Variants in SLC5A3 observed in about 807,000 individuals in gnomAD.
The protein encoded by SLC5A3 is sodium/myo-inositol cotransporter.
SLC5A3 carries 10 observed loss-of-function variants against 43.2 expected under a neutral mutation model. The observed-to-expected ratio is 0.23, with a 90% CI of 0.14 to 0.39. The LOEUF is 0.39. SLC5A3 is among the 10% of genes least tolerant of loss of function. The pLI is 1.00. For synonymous variants in SLC5A3, 349 were observed against 322.0 expected (o/e 1.08, Z -0.90); for missense variants, 608 against 893.4 (o/e 0.68, Z 4.07).
At position 34,095,735 on chromosome 21, in the gene SLC5A3, T is replaced by G; in HGVS notation, c.537T>G (p.Val179=). The part of the protein sequence containing the change: ...TALLTVTGGL[V]AVIYTDTLQA... ...TGCTGACTGTCACCGGAGGCCTTGT[T>G]GCAGTGATCTACACAGACACTCTGC... The change falls in exon 2 of 2, where the codon GTT becomes GTG. Residue 179 remains valine (V), a synonymous_variant. Coordinates refer to ENST00000381151, the MANE Select transcript of SLC5A3 (RefSeq NM_006933.7). The G allele has an allele frequency of 6.4e-7, 1 of 1,565,114 alleles. No homozygotes were observed. Among genetic ancestry groups the G allele is most frequent in the Non-Finnish European group, 8.7e-7 (1 of 1,154,620 alleles).
chr21:34,094,204 T>G (rs1471019073), intron 1 of SLC5A3, among the ~76,000 whole-genome samples: 1 of 152,182 alleles, frequency 6.6e-6, no homozygotes, highest in Non-Finnish European at 1.5e-5. Context: ...TTTAGTTTTG[T>G]GTGGAATGTC....
intron 1 of SLC5A3, among the ~76,000 whole-genome samples, chr21:34,084,100 G>A (rs1282141931): frequency 1.3e-5 from 2 of 151,394 alleles, no homozygotes; most frequent in African/African-American, 4.8e-5. Flanking sequence ...TACTGTTAAA[G>A]TTACTCTTTT....
chr21:34,101,836 A>T lies in SLC5A3; in HGVS notation c.*4481A>T. 1 of 999,724 alleles carries T rather than the reference A, an allele frequency of 1.0e-6. No individual in the cohort carries two copies. Among genetic ancestry groups the T allele is most frequent in the Non-Finnish European group, 1.2e-6 (1 of 829,528 alleles). 61.9% of individuals were successfully genotyped at this position (999,724 alleles called of 1,614,324 possible). The stretch of plus-strand genomic sequence containing the variant: ...ACACTTTGTGTTGGCTAATAATAAA[A>T]GCACTGTTTTATTCTCAAAACTCCT... On this transcript the variant is annotated 3_prime_UTR_variant, in exon 2 of 2. Coordinates refer to ENST00000381151, the MANE Select transcript of SLC5A3 (RefSeq NM_006933.7).
intron 1 of SLC5A3, among the ~76,000 whole-genome samples, chr21:34,076,432 A>G (rs1989332703): frequency 6.6e-6 from 1 of 152,228 alleles, no homozygotes; most frequent in South Asian, 2.1e-4. Context: ...TGTATTATGT[A>G]GAGTCAGTCA....
At chr21:34,090,506 A>C (rs1307138406) in intron 1 of SLC5A3, among the ~76,000 whole-genome samples, 1 of 152,210 alleles carries the variant, frequency 6.6e-6, no homozygotes, top group East Asian at 1.9e-4. Context: ...AAAATGTTTG[A>C]GAGAGCTGCA....
In SLC5A3 at chr21:34,100,780, A is replaced by G; in HGVS notation, c.*3425A>G. 1 of 1,000,188 alleles carries G rather than the reference A, an allele frequency of 1.0e-6. No individual in the cohort carries two copies. The highest frequency in any genetic ancestry group is 1.2e-6 in the Non-Finnish European group (1 of 829,938). The allele number at this position is 1,000,188 out of a possible 1,614,324, so 62.0% of individuals were successfully genotyped here. A position where few individuals can be genotyped will look rare whatever the true frequency, so the allele number is the denominator to read the frequency against. On this transcript the variant is annotated 3_prime_UTR_variant, in exon 2 of 2. Coordinates refer to ENST00000381151, the MANE Select transcript of SLC5A3 (RefSeq NM_006933.7). The stretch of plus-strand genomic sequence containing the variant: ...GTCCATGGCTCATTTTCTTTATAGT[A>G]GGCATATGGATCTTCCCCTCTGACT...
chr21:34,101,883 G>A lies in SLC5A3; in HGVS notation c.*4528G>A. On this transcript the variant is annotated 3_prime_UTR_variant, in exon 2 of 2. Transcript: ENST00000381151. ...TCCTTTTTCAAAAATTAGGGAGAGA[G>A]CAGTAGTGATCATTTATGTGAGCCC... 1.0e-6 allele frequency: 1 copy of A among 1,000,136 alleles called. No individual in the cohort carries two copies. The highest frequency in any genetic ancestry group is 1.2e-6 in the Non-Finnish European group (1 of 829,936). The allele number at this position is 1,000,136 out of a possible 1,614,324, so 62.0% of individuals were successfully genotyped here.
Position 34,103,037 on chromosome 21 carries a change from A to T in SLC5A3, c.*5682A>T. 6 of 999,780 alleles carry T rather than the reference A, an allele frequency of 6.0e-6. No individual in the cohort carries two copies. The highest frequency in any genetic ancestry group is 7.2e-6 in the Non-Finnish European group (6 of 829,634). The allele number at this position is 999,780 out of a possible 1,614,324, so 61.9% of individuals were successfully genotyped here. On this transcript the variant is annotated 3_prime_UTR_variant, in exon 2 of 2. Coordinates refer to ENST00000381151, the MANE Select transcript of SLC5A3 (RefSeq NM_006933.7). ...AGATAAGTTTTCAATTTATCAACAT[A>T]GCCTAGACTTCTGTAAGTGGAATGT... is the stretch of plus-strand genomic sequence containing the variant.
intron 1 of SLC5A3, among the ~76,000 whole-genome samples, chr21:34,077,266 G>A (rs1989354840): frequency 6.6e-6 from 1 of 152,164 alleles, no homozygotes; most frequent in Admixed American, 6.5e-5. Context: ...GAGGAGCTTA[G>A]GAAAAAAATG....
At chr21:34,082,318 A>G (rs1034466968) in intron 1 of SLC5A3, among the ~76,000 whole-genome samples, 1 of 152,152 alleles carries the variant, frequency 6.6e-6, no homozygotes, top group Non-Finnish European at 1.5e-5. Flanking sequence ...GTTGGGTTGT[A>G]TATGTGCATT....
chr21:34,105,556 T>C lies in SLC5A3; in HGVS notation c.*8201T>C. 1.0e-6 allele frequency: 1 copy of C among 999,982 alleles called. No individual in the cohort carries two copies. The highest frequency in any genetic ancestry group is 1.2e-6 in the Non-Finnish European group (1 of 829,720). The allele number at this position is 999,982 out of a possible 1,614,324, so 61.9% of individuals were successfully genotyped here. On this transcript the variant is annotated 3_prime_UTR_variant, in exon 2 of 2. Coordinates refer to ENST00000381151, the MANE Select transcript of SLC5A3 (RefSeq NM_006933.7). ...GTTCTTCCCAGTGTCCTGCTTATGATGCTTTGTTCAGATTTTTTGTAAGAG... is the reference window on the plus strand; with the variant it reads ...GTTCTTCCCAGTGTCCTGCTTATGACGCTTTGTTCAGATTTTTTGTAAGAG...
chr21:34,098,264 T>A lies in SLC5A3; in HGVS notation c.*909T>A. ...GCTAATTTTCTAGCTTTATTCTTGT[T>A]ATTTGGAAAAATTATTAGCCAAATG... On this transcript the variant is annotated 3_prime_UTR_variant, in exon 2 of 2. Transcript: ENST00000381151. 1 of 1,000,012 alleles carries A rather than the reference T, an allele frequency of 1.0e-6. No homozygotes were observed. Among genetic ancestry groups the A allele is most frequent in the Non-Finnish European group, 1.2e-6 (1 of 829,868 alleles). The allele number at this position is 1,000,012 out of a possible 1,614,324, so 61.9% of individuals were successfully genotyped here. A position where few individuals can be genotyped will look rare whatever the true frequency, so the allele number is the denominator to read the frequency against.
rs780017963 is a variant in SLC5A3 at position 34,096,480 on chromosome 21, A to G, written c.1282A>G (p.Ile428Val). The change falls in exon 2 of 2, where the codon ATC becomes GTC. Residue 428 changes from isoleucine to valine, a missense_variant. Coordinates refer to ENST00000381151, the MANE Select transcript of SLC5A3 (RefSeq NM_006933.7). This position sits in a 1 kb window ranked among gnomAD's most constrained non-coding sequence, Gnocchi z 5.9. Reference sequence around the variant, plus strand: ...GGTGATCAGCATAGCATGGGTGCCAATCATCGTGGAGATGCAAGGAGGCCA... The same window carrying G: ...GGTGATCAGCATAGCATGGGTGCCAGTCATCGTGGAGATGCAAGGAGGCCA... ...MVVISIAWVP[I>V]IVEMQGGQMY... 5.3e-5 allele frequency: 86 copies of G among 1,614,064 alleles called. No individual in the cohort carries two copies. The highest frequency in any genetic ancestry group is 6.5e-5 in the Non-Finnish European group (77 of 1,180,030).
rs1327717847 is a variant in SLC5A3 at position 34,104,007 on chromosome 21, T to C, written c.*6652T>C. On this transcript the variant is annotated 3_prime_UTR_variant, in exon 2 of 2. Coordinates refer to ENST00000381151, the MANE Select transcript of SLC5A3 (RefSeq NM_006933.7). ...AAAAAATCTTAAATCTTTTAGGAAA[T>C]ATTACCTCTTAACAGTGCCCCCCCA... 2 of 1,000,012 alleles carry C rather than the reference T, an allele frequency of 2.0e-6. No homozygotes were observed. The highest frequency in any genetic ancestry group is 1.7e-5 in the African/African-American group (1 of 57,212). The allele number at this position is 1,000,012 out of a possible 1,614,324, so 61.9% of individuals were successfully genotyped here.
chr21:34,079,604 T>TTTC (rs1989414635), intron 1 of SLC5A3, among the ~76,000 whole-genome samples: 1 of 5,816 alleles, frequency 1.7e-4, no homozygotes, highest in African/African-American at 2.5e-4. Context: ...CCCAGCTAAT[T>TTTC]TTTTTTTTTT....
intron 1 of SLC5A3, among the ~76,000 whole-genome samples, chr21:34,088,974 A>T (rs1367652204): frequency 2.0e-5 from 3 of 152,076 alleles, no homozygotes; most frequent in African/African-American, 7.2e-5. Flanking sequence ...TTATTGAGTT[A>T]CACAAATGTT....
rs1323816298 is a variant in SLC5A3 at position 34,095,403 on chromosome 21, G to T, written c.205G>T (p.Ala69Ser). 1 of 1,614,010 alleles carries T rather than the reference G, an allele frequency of 6.2e-7. No homozygotes were observed. The highest frequency in any genetic ancestry group is 8.5e-7 in the Non-Finnish European group (1 of 1,180,014). The change falls in exon 2 of 2, where the codon GCA becomes TCA. Residue 69 changes from alanine to serine, a missense_variant. Coordinates refer to ENST00000381151, the MANE Select transcript of SLC5A3 (RefSeq NM_006933.7). ...NIGSEHFIGL[A>S]GSGAASGFAV... ...TGGGAGTGAGCACTTCATTGGGCTG[G>T]CAGGATCTGGAGCTGCAAGTGGATT...
Position 34,102,711 on chromosome 21 carries a change from A to G in SLC5A3, c.*5356A>G, listed in dbSNP as rs557233084. On this transcript the variant is annotated 3_prime_UTR_variant, in exon 2 of 2. Transcript: ENST00000381151. Reference sequence around the variant, plus strand: ...TAAGCAGCTGAAGAGCGAGCAAATCAAGACAAAACACAGTGGTCTCAGATT... The same window carrying G: ...TAAGCAGCTGAAGAGCGAGCAAATCGAGACAAAACACAGTGGTCTCAGATT... The G allele has an allele frequency of 5.0e-6, 5 of 1,000,072 alleles. No homozygotes were observed. The East Asian group carries it at 5.7e-4, about 113-fold the overall frequency. The allele number at this position is 1,000,072 out of a possible 1,614,324, so 61.9% of individuals were successfully genotyped here.
rs1979273291 is a variant in SLC5A3 at position 34,102,255 on chromosome 21, A to G, written c.*4900A>G. ...CTTTGCCAGTGGTGAGTCCCACACCATTATTCACTTAGTAGTCATATAAAT... is the reference window on the plus strand; with the variant it reads ...CTTTGCCAGTGGTGAGTCCCACACCGTTATTCACTTAGTAGTCATATAAAT... On this transcript the variant is annotated 3_prime_UTR_variant, in exon 2 of 2. Transcript: ENST00000381151. 1 of 999,860 alleles carries G rather than the reference A, an allele frequency of 1.0e-6. No individual in the cohort carries two copies. The highest frequency in any genetic ancestry group is 1.2e-6 in the Non-Finnish European group (1 of 829,876). The allele number at this position is 999,860 out of a possible 1,614,324, so 61.9% of individuals were successfully genotyped here.
Sources: gnomAD v4.1 joint callset for allele counts (sites outside exome capture counted in the v4.1 genomes callset) on GRCh38, gnomAD v4.1.1 for gene constraint, Gnocchi (gnomAD v3.1) non-coding constraint, MANE v1.5 for transcripts, NCBI Gene and HGNC (gene_info 2026-07-23, HGNC 2026-07-21) for gene names.